ABCB9: variants seen among roughly 807,000 people sequenced by gnomAD.
ABCB9 encodes ABC-type oligopeptide transporter ABCB9.
In ABCB9, 36 loss-of-function variants were observed where a neutral mutation model predicts 62.0. The ratio of observed to expected loss-of-function variants is 0.58; its 90% CI spans 0.45 to 0.77. ABCB9 has a LOEUF of 0.77. ABCB9 is among the 30% of genes least tolerant of loss of function. The probability of loss-of-function intolerance (pLI) is 0.00; values close to 1 mark genes in which losing one functional copy is unlikely to be tolerated. For missense variants in ABCB9, 943 were observed against 1,054.7 expected (o/e 0.89, Z 1.47); for synonymous variants, 435 against 461.4 (o/e 0.94, Z 0.73).
Position 122,932,398 on chromosome 12 carries a change from G to A in ABCB9, c.1904-70C>T. ...GGGCAGCACCGGGGAAGAGTGAGAGGCCCTGCCCTGCAGCTGTGGAAAGGG... is the reference window on the plus strand; with the variant it reads ...GGGCAGCACCGGGGAAGAGTGAGAGACCCTGCCCTGCAGCTGTGGAAAGGG... On this transcript the variant is annotated intron_variant, in intron 10 of 11. Coordinates refer to ENST00000280560, the MANE Select transcript of ABCB9 (RefSeq NM_019625.4). The surrounding 1 kb of genome is among the most constrained non-coding windows in gnomAD (Gnocchi z 4.7). The A allele has an allele frequency of 6.7e-7, 1 of 1,491,258 alleles. No homozygotes were observed. Among genetic ancestry groups the A allele is most frequent in the Non-Finnish European group, 9.0e-7 (1 of 1,114,036 alleles). 92.4% of individuals were successfully genotyped at this position (1,491,258 alleles called of 1,614,324 possible).
At position 122,932,829 on chromosome 12, in the gene ABCB9, G is replaced by A. The variant is rs1012477322; in HGVS notation, c.1904-501C>T. Among the ~76,000 whole-genome samples, 2 of 152,128 alleles carry A rather than the reference G, an allele frequency of 1.3e-5. No homozygotes were observed. Among genetic ancestry groups the A allele is most frequent in the Non-Finnish European group, 1.5e-5 (1 of 68,034 alleles). The stretch of plus-strand genomic sequence containing the variant: ...ACACAGGTCACCTGTGACCCACAGC[G>A]CTGTTATTGCAAAAAATAAAACAAA... On this transcript the variant is annotated intron_variant, in intron 10 of 11. Coordinates refer to ENST00000280560, the MANE Select transcript of ABCB9 (RefSeq NM_019625.4). The surrounding 1 kb of genome is among the most constrained non-coding windows in gnomAD (Gnocchi z 4.7).
exon 1 of ABCB9, chr12:122,975,105 G>A: frequency 1.9e-6 from 1 of 513,070 alleles, no homozygotes; most frequent in Non-Finnish European, 3.5e-6. Context: ...TTTCTCCGCA[G>A]ACCGTTTCCT....
At chr12:122,960,859 A>G (rs1443011093) in intron 1 of ABCB9, among the ~76,000 whole-genome samples, 2 of 152,082 alleles carry the variant, frequency 1.3e-5, no homozygotes, top group Non-Finnish European at 1.5e-5. Context: ...AGCCTGGGCA[A>G]CAGGGTGAGA....
upstream of ABCB9, among the ~76,000 whole-genome samples, chr12:122,969,049 G>A (rs763646793): frequency 7.9e-5 from 12 of 152,164 alleles, no homozygotes; most frequent in Non-Finnish European, 1.5e-5. Flanking sequence ...TTGGTGAGGC[G>A]GGGAAGGTAA....
intron 2 of ABCB9, chr12:122,951,367 G>A (rs572543468): frequency 6.6e-6 from 1 of 151,726 alleles, no homozygotes; most frequent in Admixed American, 6.6e-5. Flanking sequence ...CGGGACTACA[G>A]GCACACGCCA....
At chr12:122,924,905 G>A (rs541140010), downstream of ABCB9, 72 of 1,293,078 alleles carry the variant, frequency 5.6e-5, no homozygotes, top group South Asian at 8.9e-4. Context: ...CACCCACCAG[G>A]ATGGTGACAA....
rs759840557 is a variant in ABCB9, at chr12:122,935,442, GGGAGCAT to G, written c.1744-18_1744-12del. On this transcript the variant is annotated splice_polypyrimidine_tract_variant and intron_variant, in intron 9 of 11. Transcript: ENST00000280560. The stretch of plus-strand genomic sequence containing the variant: ...GCTCACCAGGGAGATCTGGGGAGGA[GGGAGCAT>G]GGAGCATGAGAGGCCAGGAATGTGT... 6.2e-7 allele frequency: 1 copy of G among 1,611,816 alleles called. No homozygotes were observed. The highest frequency in any genetic ancestry group is 8.5e-7 in the Non-Finnish European group (1 of 1,178,966).
chr12:122,934,928 C>T (rs567164543), intron 10 of ABCB9, among the ~76,000 whole-genome samples: 1 of 152,224 alleles, frequency 6.6e-6, no homozygotes, highest in Non-Finnish European at 1.5e-5. Context: ...GCTGCCTCCT[C>T]CTCTGCCTCC....
intron 10 of ABCB9, among the ~76,000 whole-genome samples, chr12:122,934,963 TCC>T (rs1396636856): frequency 6.6e-6 from 1 of 151,906 alleles, no homozygotes; most frequent in Non-Finnish European, 1.5e-5. Flanking sequence ...CTCCACCTCC[TCC>T]CCCTTCTTCT....
chr12:122,954,863 TTTTTTG>T (rs1253901682), intron 2 of ABCB9, among the ~76,000 whole-genome samples: 2 of 152,178 alleles, frequency 1.3e-5, no homozygotes, highest in African/African-American at 4.8e-5. Context: ...TGGTTTTTTG[TTTTTTG>T]TTTTTGTTTG....
intron 2 of ABCB9, among the ~76,000 whole-genome samples, chr12:122,954,699 G>T (rs956198542): frequency 6.6e-6 from 1 of 152,098 alleles, no homozygotes; most frequent in African/African-American, 2.4e-5. Flanking sequence ...CACCATGTTG[G>T]CCAAGCTAGT....
At chr12:122,953,676 G>A (rs746321678) in intron 2 of ABCB9, among the ~76,000 whole-genome samples, 10 of 152,104 alleles carry the variant, frequency 6.6e-5, no homozygotes, top group Non-Finnish European at 1.2e-4. Context: ...ATGAGCCATC[G>A]CACCTGGCCT....
intron 1 of ABCB9, among the ~76,000 whole-genome samples, chr12:122,963,562 G>A (rs1348942787): frequency 6.6e-6 from 1 of 152,078 alleles, no homozygotes; most frequent in Non-Finnish European, 1.5e-5. Context: ...GACCCACAGA[G>A]TTGGGTCACA....
intron 2 of ABCB9, chr12:122,951,033 G>C (rs1178727918): frequency 7.9e-6 from 1 of 125,990 alleles, no homozygotes; most frequent in East Asian, 2.3e-4. Flanking sequence ...TTTTTGTAGA[G>C]ACAGGGGTCT....
chr12:122,960,256 G>A lies in ABCB9; in HGVS notation c.-21C>T, dbSNP rs757596698. The stretch of plus-strand genomic sequence containing the variant: ...CGCATCCTGCTGGTTGGAGGTGGGC[G>A]GGTGCTGAAGGCCAGGTTGTAGCTC... On this transcript the variant is annotated 5_prime_UTR_variant, in exon 2 of 12. Transcript: ENST00000280560. 1.6e-5 allele frequency: 26 copies of A among 1,601,726 alleles called. No individual in the cohort carries two copies. Among genetic ancestry groups the A allele is most frequent in the South Asian group, 2.2e-5 (2 of 89,682 alleles).
intron 7 of ABCB9, 84 bp from the exon 8 acceptor site, chr12:122,941,079 A>G: frequency 7.1e-7 from 1 of 1,414,274 alleles, no homozygotes; most frequent in Non-Finnish European, 9.4e-7. Context: ...AGGCAGGTAT[A>G]GGGAAAGCAA....
chr12:122,945,877 C>CAA (rs766455584), intron 6 of ABCB9, 148 bp downstream of exon 6: 2,554 of 474,496 alleles, frequency 5.4e-3, no homozygotes, highest in African/African-American at 7.7e-3. Flanking sequence ...GGCTCTGTCT[C>CAA]AAAAAAAAAA....
In ABCB9 at chr12:122,946,284, C is replaced by T. The variant is rs1008702801; in HGVS notation, c.1054-62G>A. On this transcript the variant is annotated intron_variant, in intron 5 of 11. Transcript: ENST00000280560. Reference sequence around the variant, plus strand: ...AAAACAGCCTCACTATGTACTGGAGCCCCCAGGCCTCTCTGGGTTTTTCCA... The same window carrying T: ...AAAACAGCCTCACTATGTACTGGAGTCCCCAGGCCTCTCTGGGTTTTTCCA... The T allele has an allele frequency of 5.7e-6, 9 of 1,565,672 alleles. No homozygotes were observed. In the African/African-American group the frequency reaches 1.2e-4, roughly 21 times the overall value.
chr12:122,975,082 G>T, exon 1 of ABCB9: 1 of 492,840 alleles, frequency 2.0e-6, no homozygotes, highest in Non-Finnish European at 3.7e-6. Flanking sequence ...TCCCAACCCG[G>T]CCCAGGAGCA....
Sources: gnomAD v4.1 joint callset for allele counts (sites outside exome capture counted in the v4.1 genomes callset) on GRCh38, gnomAD v4.1.1 for gene constraint, Gnocchi (gnomAD v3.1) non-coding constraint, MANE v1.5 for transcripts, NCBI Gene and HGNC (gene_info 2026-07-23, HGNC 2026-07-21) for gene names.